THSD4: variants seen among roughly 807,000 people sequenced by gnomAD.
THSD4 encodes thrombospondin type 1 domain containing 4, also known as thrombospondin type-1 domain-containing protein 4.
In THSD4, 69 loss-of-function variants were observed where a neutral mutation model predicts 119.0. That is an observed-to-expected ratio of 0.58 (90% confidence interval 0.48 to 0.71). The LOEUF (loss-of-function observed/expected upper bound fraction) is 0.71. THSD4 is among the 30% of genes least tolerant of loss of function. THSD4 has a pLI of 0.00. For synonymous variants in THSD4, 524 were observed against 540.4 expected, an observed-to-expected ratio of 0.97 and a Z score of 0.42; for missense variants, 1,393 against 1,391.1, an observed-to-expected ratio of 1.00 and a Z score of -0.02.
At chr15:71,700,761 G>A (rs1263297234) in intron 8 of THSD4, among the ~76,000 whole-genome samples, 2 of 152,054 alleles carry the variant, frequency 1.3e-5, no homozygotes, top group Admixed American at 6.5e-5. Flanking sequence ...ACCCCTGTTT[G>A]TAGTATATGA....
At chr15:71,755,496 C>T (rs180890654) in intron 14 of THSD4, among the ~76,000 whole-genome samples, 2 of 151,972 alleles carry the variant, frequency 1.3e-5, no homozygotes, top group Admixed American at 1.3e-4. Flanking sequence ...AGAAAAGACC[C>T]AGAAACCCTT....
intron 6 of THSD4, among the ~76,000 whole-genome samples, chr15:71,347,661 G>A (rs1033718697): frequency 6.6e-6 from 1 of 152,152 alleles, no homozygotes; most frequent in East Asian, 1.9e-4. Flanking sequence ...CAATGTGCTA[G>A]CCAGTAGTCC....
chr15:71,210,455 T>C (rs2140246186), intron 3 of THSD4, among the ~76,000 whole-genome samples: 1 of 152,210 alleles, frequency 6.6e-6, no homozygotes, highest in South Asian at 2.1e-4. Context: ...AACTGGCTAG[T>C]ATAGGAAGTT....
chr15:71,447,020 T>A (rs2047191678), intron 7 of THSD4, among the ~76,000 whole-genome samples: 1 of 150,476 alleles, frequency 6.6e-6, no homozygotes, highest in Admixed American at 6.6e-5. Context: ...GACACAGGAA[T>A]GAAAACGAAG....
intron 7 of THSD4, among the ~76,000 whole-genome samples, chr15:71,580,318 G>C (rs562630018): frequency 6.6e-6 from 1 of 152,250 alleles, no homozygotes; most frequent in African/African-American, 2.4e-5. Flanking sequence ...TTAGGCTCCA[G>C]AGTCTAAGCT....
At chr15:71,364,703 G>T (rs573211534) in intron 6 of THSD4, among the ~76,000 whole-genome samples, 1 of 152,138 alleles carries the variant, frequency 6.6e-6, no homozygotes, top group South Asian at 2.1e-4. Flanking sequence ...ACATAGTTTA[G>T]TTTTATTTTA....
intron 7 of THSD4, among the ~76,000 whole-genome samples, chr15:71,467,277 C>T (rs769308534): frequency 1.3e-5 from 2 of 152,134 alleles, no homozygotes; most frequent in African/African-American, 2.4e-5. Flanking sequence ...CGGTTCACGG[C>T]TGAGCACTCC....
chr15:71,167,299 A>G (rs955982867), intron 3 of THSD4: 7 of 152,244 alleles, frequency 4.6e-5, no homozygotes, highest in African/African-American at 7.2e-5. Flanking sequence ...GTCTGTCACA[A>G]TTCTTCAACT....
chr15:71,396,059 C>CT (rs1200285415), intron 6 of THSD4, among the ~76,000 whole-genome samples: 2 of 151,922 alleles, frequency 1.3e-5, no homozygotes, highest in Admixed American at 6.6e-5. Context: ...AACCCGTGTG[C>CT]TTTTATCGCT....
At chr15:71,476,364 T>TGGGATTACTAGTAGCGGG (rs2047655488) in intron 7 of THSD4, among the ~76,000 whole-genome samples, 1 of 151,766 alleles carries the variant, frequency 6.6e-6, no homozygotes, top group African/African-American at 2.4e-5. Context: ...CCAGAGTAGT[T>TGGGATTACTAGTAGCGGG]GGGATTACTA....
chr15:71,300,923 G>A (rs778616220), intron 6 of THSD4, among the ~76,000 whole-genome samples: 16 of 152,250 alleles, frequency 1.1e-4, no homozygotes, highest in African/African-American at 9.6e-5. Flanking sequence ...AGATTTTATC[G>A]TTGTCCAAAG....
chr15:71,421,552 A>C (rs190344263), intron 7 of THSD4, among the ~76,000 whole-genome samples: 3 of 152,254 alleles, frequency 2.0e-5, no homozygotes, highest in Admixed American at 2.0e-4. Flanking sequence ...ATGGCGCTTC[A>C]TTGTATGTTA....
intron 6 of THSD4, among the ~76,000 whole-genome samples, chr15:71,332,127 A>G (rs918489146): frequency 2.5e-4 from 38 of 152,284 alleles, no homozygotes; most frequent in African/African-American, 7.7e-4. Flanking sequence ...GAGGAGTCCC[A>G]TGTCTCCCAG....
chr15:71,243,670 G>A (rs901661552), intron 5 of THSD4, among the ~76,000 whole-genome samples: 6 of 151,570 alleles, frequency 4.0e-5, no homozygotes, highest in African/African-American at 1.5e-4. Flanking sequence ...ATATATACAG[G>A]TATACCCACT....
chr15:71,112,638 C>A (rs762303933), upstream of THSD4, among the ~76,000 whole-genome samples: 1 of 152,166 alleles, frequency 6.6e-6, no homozygotes. Flanking sequence ...CAGGCAGGCC[C>A]CCAGCCTAGG....
At chr15:71,224,027 G>C (rs1343189462) in intron 4 of THSD4, among the ~76,000 whole-genome samples, 1 of 152,166 alleles carries the variant, frequency 6.6e-6, no homozygotes, top group African/African-American at 2.4e-5. Context: ...GCCCAGGGAG[G>C]AGAGGGGAAG....
At chr15:71,356,182 T>C (rs1243363701) in intron 6 of THSD4, among the ~76,000 whole-genome samples, 1 of 152,152 alleles carries the variant, frequency 6.6e-6, no homozygotes, top group Non-Finnish European at 1.5e-5. Context: ...TTTACTTTCT[T>C]CTAATTAGTC....
chr15:71,763,318 T>C (rs1157998761), intron 15 of THSD4, among the ~76,000 whole-genome samples: 1 of 152,170 alleles, frequency 6.6e-6, no homozygotes, highest in Non-Finnish European at 1.5e-5. Flanking sequence ...TATTTAGAGT[T>C]TGAACTGCAG....
At chr15:71,688,286 C>T (rs981201082) in intron 8 of THSD4, among the ~76,000 whole-genome samples, 20 of 152,368 alleles carry the variant, frequency 1.3e-4, no homozygotes, top group African/African-American at 4.1e-4. Context: ...TTACAAAGAA[C>T]ATTTTCCTTT....
Sources: gnomAD v4.1 joint callset for allele counts (sites outside exome capture counted in the v4.1 genomes callset) on GRCh38, gnomAD v4.1.1 for gene constraint, MANE v1.5 for transcripts, NCBI Gene and HGNC (gene_info 2026-07-23, HGNC 2026-07-21) for gene names.